The following TMEM132D variants were observed in gnomAD, a reference collection of about 807,000 sequenced individuals.
The protein encoded by TMEM132D is transmembrane protein 132D.
TMEM132D carries 21 observed loss-of-function variants against 62.3 expected under a neutral mutation model. The observed-to-expected ratio is 0.34, with a 90% CI of 0.24 to 0.49. The LOEUF (loss-of-function observed/expected upper bound fraction) is 0.49, where lower values mean the gene tolerates loss of function less well. Among genes scored for constraint, TMEM132D ranks in the 20% least tolerant of loss-of-function variants. The pLI, the probability that TMEM132D is intolerant of heterozygous loss-of-function variation, is 0.99. For synonymous variants in TMEM132D, 621 were observed against 575.6 expected, an observed-to-expected ratio of 1.08 and a Z score of -1.13; for missense variants, 1,346 against 1,402.8, an observed-to-expected ratio of 0.96 and a Z score of 0.65.
At chr12:129,120,222 C>G (rs1391400580) in intron 5 of TMEM132D, among the ~76,000 whole-genome samples, 1 of 152,108 alleles carries the variant, frequency 6.6e-6, no homozygotes, top group Non-Finnish European at 1.5e-5. Context: ...AGCCACTACA[C>G]CTACATGGTG....
intron 5 of TMEM132D, among the ~76,000 whole-genome samples, chr12:129,160,367 AT>A (rs1371966799): frequency 2.6e-5 from 4 of 152,352 alleles, no homozygotes; most frequent in African/African-American, 9.6e-5. Context: ...GGTTGCACTG[AT>A]TGGTTCAGAG....
intron 5 of TMEM132D, among the ~76,000 whole-genome samples, chr12:129,204,118 G>A (rs751999222): frequency 6.6e-6 from 1 of 152,158 alleles, no homozygotes; most frequent in Non-Finnish European, 1.5e-5. Context: ...AACTGAAAAA[G>A]CTAGAGTGCC....
chr12:129,329,155 C>G (rs1030386016), intron 4 of TMEM132D, among the ~76,000 whole-genome samples: 3 of 151,888 alleles, frequency 2.0e-5, no homozygotes, highest in African/African-American at 7.3e-5. Flanking sequence ...CTCATCTCCT[C>G]CATATATGTG....
At position 129,870,408 on chromosome 12, in the gene TMEM132D, G is replaced by A. The variant is rs531378127; in HGVS notation, c.79+32853C>T. Among the ~76,000 whole-genome samples the A allele has an allele frequency of 2.6e-5, 4 of 152,264 alleles. No homozygotes were observed. In the South Asian group the frequency reaches 8.3e-4, roughly 32 times the overall value. On this transcript the variant is annotated intron_variant, in intron 1 of 8. Transcript: ENST00000422113. ...TCCACTCCCCAAACCCCTGAGGAAG[G>A]CCACAGTGATTTCATCGACTGCCCT...
chr12:129,827,017 A>G lies in TMEM132D; in HGVS notation c.79+76244T>C, dbSNP rs1485576012. Among the ~76,000 whole-genome samples, 2 of 152,226 alleles carry G rather than the reference A, an allele frequency of 1.3e-5. No homozygotes were observed. Among genetic ancestry groups the G allele is most frequent in the African/African-American group, 2.4e-5 (1 of 41,452 alleles). ...ATAAAAAGGGGCTGTGCTAATAACT[A>G]TTCTAAAAATTACACCATAATGAAA... is the stretch of plus-strand genomic sequence containing the variant. On this transcript the variant is annotated intron_variant, in intron 1 of 8. Transcript: ENST00000422113. This position sits in a 1 kb window ranked among gnomAD's most constrained non-coding sequence, Gnocchi z 9.7.
At chr12:129,591,188 G>T (rs1038835018) in intron 2 of TMEM132D, among the ~76,000 whole-genome samples, 1 of 152,164 alleles carries the variant, frequency 6.6e-6, no homozygotes, top group African/African-American at 2.4e-5. Context: ...ACTGTTGAGG[G>T]CCCAGTGAGT....
chr12:129,633,736 C>G (rs905379727), intron 2 of TMEM132D, among the ~76,000 whole-genome samples: 1 of 152,124 alleles, frequency 6.6e-6, no homozygotes, highest in Non-Finnish European at 1.5e-5. Flanking sequence ...TAACGGTCCC[C>G]GGGCCTGACA....
intron 5 of TMEM132D, among the ~76,000 whole-genome samples, chr12:129,112,718 A>C (rs1875758660): frequency 6.6e-6 from 1 of 152,264 alleles, no homozygotes. Context: ...CACCAGCTAC[A>C]CTAGGAGACT....
chr12:129,687,028 A>C (rs1880944703), intron 2 of TMEM132D, among the ~76,000 whole-genome samples: 1 of 152,188 alleles, frequency 6.6e-6, no homozygotes, highest in African/African-American at 2.4e-5. Context: ...GCTATGACTC[A>C]ATAGGAGCAA....
In TMEM132D at chr12:129,147,289, C is replaced by CATATGTATATATATACATATGTGT. The variant is rs1385593615; in HGVS notation, c.1443+62207_1443+62230dup. ...GTGCATATGTATATATATACATGTG[C>CATATGTATATATATACATATGTGT]ATATGTATATATATACATATGTGTA... On this transcript the variant is annotated intron_variant, in intron 5 of 8. Coordinates refer to ENST00000422113, the MANE Select transcript of TMEM132D (RefSeq NM_133448.3). Among the ~76,000 whole-genome samples, 26 of 148,450 alleles carry CATATGTATATATATACATATGTGT rather than the reference C, an allele frequency of 1.8e-4. 2 individuals carry two copies. Among genetic ancestry groups the CATATGTATATATATACATATGTGT allele is most frequent in the South Asian group, 6.4e-4 (3 of 4,658 alleles).
chr12:129,276,421 A>G (rs1484487763), intron 4 of TMEM132D, among the ~76,000 whole-genome samples: 3 of 152,214 alleles, frequency 2.0e-5, no homozygotes, highest in Non-Finnish European at 4.4e-5. Flanking sequence ...AAAGAGAGCT[A>G]CTTATAAGCC....
chr12:129,612,240 G>T (rs1878796540), intron 2 of TMEM132D, among the ~76,000 whole-genome samples: 1 of 152,162 alleles, frequency 6.6e-6, no homozygotes, highest in South Asian at 2.1e-4. Flanking sequence ...TTACTAAGGG[G>T]AGGAATTCCC....
intron 2 of TMEM132D, among the ~76,000 whole-genome samples, chr12:129,628,539 T>C (rs1212818159): frequency 6.6e-6 from 1 of 152,190 alleles, no homozygotes; most frequent in East Asian, 1.9e-4. Flanking sequence ...CACAGAACAC[T>C]ACTATGTGCT....
At chr12:129,733,735 C>T (rs1749713494) in intron 1 of TMEM132D, among the ~76,000 whole-genome samples, 1 of 152,068 alleles carries the variant, frequency 6.6e-6, no homozygotes, top group African/African-American at 2.4e-5. Flanking sequence ...GGTCGGGAGG[C>T]TGTCATGATA....
chr12:129,078,802 C>A (rs996496821), intron 7 of TMEM132D, 77 bp from the exon 8 acceptor site: 52 of 1,510,870 alleles, frequency 3.4e-5, no homozygotes, highest in Non-Finnish European at 4.4e-5. Context: ...GAGGAAGTGC[C>A]AGTGTGCAGG....
rs969406815 is a variant in TMEM132D at position 129,738,181 on chromosome 12, T to C, written c.80-37483A>G. ...CCAGGGTGAAAAAAATCAATGAGAT[T>C]AGAAATCTTCCTGCTACACTTAAGG... On this transcript the variant is annotated intron_variant, in intron 1 of 8. Transcript: ENST00000422113. Among the ~76,000 whole-genome samples the C allele has an allele frequency of 2.0e-5, 3 of 152,166 alleles. No homozygotes were observed. In the East Asian group the frequency reaches 5.8e-4, roughly 29 times the overall value.
intron 1 of TMEM132D, among the ~76,000 whole-genome samples, chr12:129,758,628 T>C (rs1870248486): frequency 1.3e-5 from 2 of 152,196 alleles, no homozygotes; most frequent in African/African-American, 4.8e-5. Context: ...ACACATATCA[T>C]AGGTAGTGCC....
intron 1 of TMEM132D, among the ~76,000 whole-genome samples, chr12:129,706,461 G>C (rs1175329786): frequency 6.6e-6 from 1 of 151,918 alleles, no homozygotes; most frequent in Non-Finnish European, 1.5e-5. Context: ...GATATTTTAT[G>C]CAAGTATATA....
intron 5 of TMEM132D, among the ~76,000 whole-genome samples, chr12:129,128,857 T>G (rs559766947): frequency 6.6e-6 from 1 of 152,326 alleles, no homozygotes; most frequent in Non-Finnish European, 1.5e-5. Context: ...CAGTATTTTA[T>G]TTTCTGCTTC....
Sources: gnomAD v4.1 joint callset for allele counts (sites outside exome capture counted in the v4.1 genomes callset) on GRCh38, gnomAD v4.1.1 for gene constraint, Gnocchi (gnomAD v3.1) non-coding constraint, MANE v1.5 for transcripts, NCBI Gene and HGNC (gene_info 2026-07-23, HGNC 2026-07-21) for gene names.